SKAP1: variants seen among roughly 807,000 people sequenced by gnomAD.
The protein encoded by SKAP1 is src kinase-associated phosphoprotein 1.
Under a neutral mutation model 58.5 loss-of-function variants are expected in SKAP1, and 44 were observed. That is an observed-to-expected ratio of 0.75 (90% CI 0.59 to 0.97). The LOEUF (loss-of-function observed/expected upper bound fraction) is 0.97. SKAP1 is among the 50% of genes least tolerant of loss of function. SKAP1 has a pLI of 0.00. For missense variants in SKAP1, 390 were observed against 435.2 expected, an observed-to-expected ratio of 0.90 and a Z score of 0.92; for synonymous variants, 127 against 149.7, an observed-to-expected ratio of 0.85 and a Z score of 1.11.
intron 4 of SKAP1, among the ~76,000 whole-genome samples, chr17:48,205,088 TTCTCTCTCTC>T (rs55806288): frequency 2.2e-4 from 30 of 137,814 alleles, no homozygotes; most frequent in Non-Finnish European, 3.4e-4. Flanking sequence ...CTTTCTTTCC[TTCTCTCTCTC>T]TCTCTCTCTC....
intron 4 of SKAP1, among the ~76,000 whole-genome samples, chr17:48,335,509 A>C (rs2066556419): frequency 6.6e-6 from 1 of 152,072 alleles, no homozygotes; most frequent in African/African-American, 2.4e-5. Context: ...ACATTTGCAC[A>C]CCAGTTCAGT....
chr17:48,388,379 A>G lies in SKAP1; in HGVS notation c.152+8301T>C, dbSNP rs2067304926. Among the ~76,000 whole-genome samples, 4 of 152,170 alleles carry G rather than the reference A, an allele frequency of 2.6e-5. No individual in the cohort carries two copies. The South Asian group carries it at 8.3e-4, about 32-fold the overall frequency. On this transcript the variant is annotated intron_variant, in intron 2 of 12. Transcript: ENST00000336915. The stretch of plus-strand genomic sequence containing the variant: ...AACCCGGGAGGCAGAGGTTGCAGTA[A>G]GCCGAGATCACGCCACTGCACTCCA...
At chr17:48,180,941 G>C (rs2064359286) in intron 8 of SKAP1, among the ~76,000 whole-genome samples, 1 of 152,154 alleles carries the variant, frequency 6.6e-6, no homozygotes, top group Non-Finnish European at 1.5e-5. Context: ...GGAGCACCAG[G>C]GCAGGGGAGG....
intron 4 of SKAP1, among the ~76,000 whole-genome samples, chr17:48,201,227 A>C (rs1054011552): frequency 2.0e-5 from 3 of 151,996 alleles, no homozygotes; most frequent in Non-Finnish European, 4.4e-5. Context: ...AATGCCATGA[A>C]CCTCAAATGG....
chr17:48,194,024 C>G (rs1169077664), intron 4 of SKAP1, among the ~76,000 whole-genome samples: 1 of 152,036 alleles, frequency 6.6e-6, no homozygotes, highest in Non-Finnish European at 1.5e-5. Context: ...ATAAATGGCC[C>G]TCTTGGCTAA....
chr17:48,382,032 T>A (rs1251406149), intron 2 of SKAP1, among the ~76,000 whole-genome samples: 2 of 152,196 alleles, frequency 1.3e-5, no homozygotes, highest in Non-Finnish European at 2.9e-5. Flanking sequence ...CTTGAGCAAG[T>A]TGATTACCTT....
chr17:48,262,181 C>T (rs2065492819), intron 4 of SKAP1, among the ~76,000 whole-genome samples: 1 of 152,180 alleles, frequency 6.6e-6, no homozygotes, highest in African/African-American at 2.4e-5. Flanking sequence ...GAATCATCCA[C>T]CTGCAGGAGG....
At chr17:48,360,836 T>C (rs1250680606) in intron 3 of SKAP1, among the ~76,000 whole-genome samples, 1 of 152,096 alleles carries the variant, frequency 6.6e-6, no homozygotes, top group Non-Finnish European at 1.5e-5. Flanking sequence ...CCCATTATGA[T>C]AAATAGAAAC....
intron 4 of SKAP1, among the ~76,000 whole-genome samples, chr17:48,328,602 GA>G (rs914148415): frequency 6.8e-5 from 10 of 147,908 alleles, no homozygotes; most frequent in South Asian, 2.1e-4. Flanking sequence ...GGTGAATACT[GA>G]AAAAAAAAAG....
At chr17:48,328,276 G>A (rs1022792584) in intron 4 of SKAP1, among the ~76,000 whole-genome samples, 1 of 152,178 alleles carries the variant, frequency 6.6e-6, no homozygotes, top group African/African-American at 2.4e-5. Flanking sequence ...ATTCGTGACA[G>A]CATTACTTAT....
intron 11 of SKAP1, among the ~76,000 whole-genome samples, chr17:48,146,783 C>G (rs1441202429): frequency 6.6e-6 from 1 of 152,088 alleles, no homozygotes; most frequent in Non-Finnish European, 1.5e-5. Flanking sequence ...CACCCGCCAC[C>G]ACGCCCAGCT....
At chr17:48,202,467 T>C (rs1244679006) in intron 4 of SKAP1, among the ~76,000 whole-genome samples, 2 of 152,136 alleles carry the variant, frequency 1.3e-5, no homozygotes, top group Non-Finnish European at 2.9e-5. Flanking sequence ...CAGTATGGGC[T>C]CAGAGACAGA....
chr17:48,170,532 C>T, intron 10 of SKAP1, 77 bp downstream of exon 10: 1 of 1,255,134 alleles, frequency 8.0e-7, no homozygotes. Context: ...TTTTTGTAGT[C>T]TCAGAGAAAG....
chr17:48,228,904 G>A (rs1453302350), intron 4 of SKAP1, among the ~76,000 whole-genome samples: 2 of 152,198 alleles, frequency 1.3e-5, no homozygotes, highest in African/African-American at 4.8e-5. Context: ...CCTGTGGTTT[G>A]CTGGCACAGG....
chr17:48,280,647 C>T (rs1157485509), intron 4 of SKAP1, among the ~76,000 whole-genome samples: 1 of 152,192 alleles, frequency 6.6e-6, no homozygotes, highest in Non-Finnish European at 1.5e-5. Flanking sequence ...CTCTGAAAAG[C>T]TCCTTTTTGC....
At position 48,346,006 on chromosome 17, in the gene SKAP1, C is replaced by A. The variant is rs751645756; in HGVS notation, c.179G>T (p.Gly60Val). Reference protein sequence around the residue: ...ARYYWDFQPQGGDIGQDSSDD... With the variant: ...ARYYWDFQPQVGDIGQDSSDD... The stretch of plus-strand genomic sequence containing the variant: ...AGAGCTGTCCTGTCCAATGTCTCCC[C>A]CTGAGGGACAAAAAAGACAGAAAAT... Residue 60 changes from glycine (G) to valine (V), a missense_variant and splice_region_variant, in exon 4 of 13, where the codon GGG becomes GTG. Transcript: ENST00000336915. The A allele has an allele frequency of 5.1e-6, 8 of 1,582,688 alleles. No individual in the cohort carries two copies. The highest frequency in any genetic ancestry group is 2.3e-5 in the East Asian group (1 of 43,878).
At chr17:48,302,515 G>A (rs2066074165) in intron 4 of SKAP1, among the ~76,000 whole-genome samples, 1 of 152,170 alleles carries the variant, frequency 6.6e-6, no homozygotes, top group Admixed American at 6.5e-5. Context: ...GTGAGGAGCA[G>A]CTGAAGTGCC....
chr17:48,430,595 G>T (rs551870985), upstream of SKAP1, among the ~76,000 whole-genome samples: 7 of 152,292 alleles, frequency 4.6e-5, no homozygotes, highest in African/African-American at 1.7e-4. Context: ...GTCAAGCATA[G>T]CACCCCTCAA....
chr17:48,347,789 C>T (rs1356128231), intron 3 of SKAP1, among the ~76,000 whole-genome samples: 1 of 152,082 alleles, frequency 6.6e-6, no homozygotes, highest in East Asian at 1.9e-4. Context: ...TCAAATTTTA[C>T]ATCACTGGAA....
Sources: gnomAD v4.1 joint callset for allele counts (sites outside exome capture counted in the v4.1 genomes callset) on GRCh38, gnomAD v4.1.1 for gene constraint, MANE v1.5 for transcripts, NCBI Gene and HGNC (gene_info 2026-07-23, HGNC 2026-07-21) for gene names.